Variants in CIAO3 observed in about 807,000 individuals in gnomAD.
The protein encoded by CIAO3 is cytosolic iron-sulfur assembly component 3.
CIAO3 carries 45 observed loss-of-function variants against 51.5 expected under a neutral mutation model. The ratio of observed to expected loss-of-function variants is 0.87; its 90% CI spans 0.69 to 1.12. The LOEUF is 1.12. Ranked by LOEUF, CIAO3 falls within the 50% of genes most tolerant of loss-of-function variation. The probability of loss-of-function intolerance (pLI) is 0.00; values close to 1 mark genes in which losing one functional copy is unlikely to be tolerated. For missense variants in CIAO3, 668 were observed against 632.5 expected (o/e 1.06, Z -0.60); for synonymous variants, 314 against 269.3 (o/e 1.17, Z -1.63).
At position 730,485 on chromosome 16, in the gene CIAO3, C is replaced by A; in HGVS notation, c.1363G>T (p.Gly455Cys). Residue 455 changes from glycine to cysteine, a missense_variant, in exon 11 of 11, where the codon GGT becomes TGT. By Grantham distance (159) the Gly-to-Cys change is radical. Coordinates refer to ENST00000251588, the MANE Select transcript of CIAO3 (RefSeq NM_022493.3). ...TGGTACTGCGTATGCAGCAAGCGAC[C>A]TGCACACTCCGAGTCCGTGCCCTGC... The part of the protein sequence containing the change: ...WLQGTDSECA[G>C]RLLHTQYHAV... 6.2e-7 allele frequency: 1 copy of A among 1,609,256 alleles called. No individual in the cohort carries two copies. Among genetic ancestry groups the A allele is most frequent in the Non-Finnish European group, 8.5e-7 (1 of 1,179,974 alleles).
intron 3 of CIAO3, chr16:736,980 G>A: frequency 1.6e-6 from 1 of 632,268 alleles, no homozygotes; most frequent in Non-Finnish European, 2.7e-6. Flanking sequence ...TCATTTTGAT[G>A]TATATTTAGA....
At position 730,162 on chromosome 16, in the gene CIAO3, A is replaced by G. The variant is rs576154899; in HGVS notation, c.*255T>C. On this transcript the variant is annotated 3_prime_UTR_variant, in exon 11 of 11. Coordinates refer to ENST00000251588, the MANE Select transcript of CIAO3 (RefSeq NM_022493.3). ...GGCCTCGGCCCAGGGCCAACGGAAC[A>G]GGCTCTGGGACCTCAGGGAACCTTC... The G allele has an allele frequency of 4.7e-5, 27 of 570,104 alleles. No individual in the cohort carries two copies. Among genetic ancestry groups the G allele is most frequent in the Non-Finnish European group, 6.6e-5 (21 of 319,030 alleles). The allele number at this position is 570,104 out of a possible 1,614,324, so 35.3% of individuals were successfully genotyped here.
chr16:740,480 C>G, intron 1 of CIAO3: 1 of 294,894 alleles, frequency 3.4e-6, no homozygotes. Flanking sequence ...GCTTGGGGGT[C>G]CTGAGGCCTG....
At chr16:731,162 G>T in intron 9 of CIAO3, 162 bp from the exon 10 acceptor site, 1 of 933,946 alleles carries the variant, frequency 1.1e-6, no homozygotes, top group South Asian at 1.7e-5. Flanking sequence ...AGAGAGGGTG[G>T]AAGGCTCACT....
At position 734,300 on chromosome 16, in the gene CIAO3, G is replaced by C. The variant is rs147919065; in HGVS notation, c.622C>G (p.His208Asp). 32 of 1,611,798 alleles carry C rather than the reference G, an allele frequency of 2.0e-5. No individual in the cohort carries two copies. The highest frequency in any genetic ancestry group is 5.3e-5 in the African/African-American group (4 of 74,922). Residue 208 changes from histidine to aspartate, a missense_variant, in exon 6 of 11, where the codon CAC (histidine) becomes GAC (aspartate). By Grantham distance (81) the His-to-Asp change is moderately conservative. Coordinates refer to ENST00000251588, the MANE Select transcript of CIAO3 (RefSeq NM_022493.3). ...EKTHGSFILP[H>D]ISTARSPQQV... ...TGCGGGGACCGGGCGGTGCTGATGT[G>C]GGGGAGGATGAAGCTGCCGTGAGTC...
intron 2 of CIAO3, among the ~76,000 whole-genome samples, chr16:738,924 G>C (rs1480060983): frequency 2.7e-4 from 39 of 146,732 alleles, no homozygotes; most frequent in African/African-American, 3.8e-4. Flanking sequence ...GATTACAAGC[G>C]TGAGCCACCG....
chr16:740,895 A>G (rs1343089165), intron 1 of CIAO3, 25 bp downstream of exon 1: 6 of 1,525,362 alleles, frequency 3.9e-6, no homozygotes, highest in East Asian at 5.1e-5. Context: ...CGCAGCCTCG[A>G]CCCCGCCCGC....
At position 737,278 on chromosome 16, in the gene CIAO3, G is replaced by A; in HGVS notation, c.214C>T (p.Leu72=). ...GAGGTGATGCAGCCGCTGCACGCCA[G>A]GCAGTCGTTTAGCGAGACCTTGGCC... ...EKAKVSLNDC[L]ACSGCITSAE... The change falls in exon 3 of 11, where the codon CTG becomes TTG. Residue 72 remains leucine, a synonymous_variant. Transcript: ENST00000251588. This position sits in a 1 kb window ranked among gnomAD's most constrained non-coding sequence, Gnocchi z 5.3. 1 of 1,613,484 alleles carries A rather than the reference G, an allele frequency of 6.2e-7. No individual in the cohort carries two copies. The highest frequency in any genetic ancestry group is 1.7e-5 in the Admixed American group (1 of 60,028).
In CIAO3 at chr16:730,850, G is replaced by A. The variant is rs35146947; in HGVS notation, c.1185C>T (p.Cys395=). The change falls in exon 10 of 11, where the codon TGC becomes TGT. Residue 395 remains cysteine, a synonymous_variant. Coordinates refer to ENST00000251588, the MANE Select transcript of CIAO3 (RefSeq NM_022493.3). Reference sequence around the variant, plus strand: ...GTCCCTTGCAGGAGCTACCTGAGGGGCAGGCCATGACCTCCACGTAGTGGT... The same window carrying A: ...GTCCCTTGCAGGAGCTACCTGAGGGACAGGCCATGACCTCCACGTAGTGGT... ...CPYHYVEVMA[C]PSGCLNGGGQ... The A allele has an allele frequency of 1.6e-4, 262 of 1,612,482 alleles. 1 individual carries two copies. Among genetic ancestry groups the A allele is most frequent in the Non-Finnish European group, 8.6e-5 (101 of 1,179,958 alleles).
chr16:739,752 A>C lies in CIAO3; in HGVS notation c.67-14T>G, dbSNP rs755525630. On this transcript the variant is annotated splice_polypyrimidine_tract_variant and intron_variant, in intron 1 of 10. Coordinates refer to ENST00000251588, the MANE Select transcript of CIAO3 (RefSeq NM_022493.3). ...CTTGATGCACTCCTAGAGCAGGAAGAGACCCCAAATCAGCCCCTGTGAGTG... is the reference window on the plus strand; with the variant it reads ...CTTGATGCACTCCTAGAGCAGGAAGCGACCCCAAATCAGCCCCTGTGAGTG... 3.1e-6 allele frequency: 5 copies of C among 1,612,628 alleles called. No homozygotes were observed. The South Asian group carries it at 5.5e-5, about 18-fold the overall frequency.
rs550160991 is a variant in CIAO3, at chr16:734,619, G to A, written c.574+118C>T. 5.5e-5 allele frequency: 86 copies of A among 1,566,718 alleles called. No homozygotes were observed. The Middle Eastern group carries it at 1.2e-3, about 21-fold the overall frequency. Reference sequence around the variant, plus strand: ...TGTGCCAACATTTCCAACCCGTCCCGCAAAACCTGCTTGCGTCTCCACCCC... The same window carrying A: ...TGTGCCAACATTTCCAACCCGTCCCACAAAACCTGCTTGCGTCTCCACCCC... On this transcript the variant is annotated intron_variant, in intron 5 of 10. Coordinates refer to ENST00000251588, the MANE Select transcript of CIAO3 (RefSeq NM_022493.3).
Position 737,621 on chromosome 16 carries a change from TG to T in CIAO3, c.163-293del. On this transcript the variant is annotated intron_variant, in intron 2 of 10. Transcript: ENST00000251588. This position sits in a 1 kb window ranked among gnomAD's most constrained non-coding sequence, Gnocchi z 5.3. Reference sequence around the variant, plus strand: ...AAGCAGCAGCCACCCCACTCACCCATGGGGCCCTGGACGGGGTGCTGGCCCC... The same window carrying T: ...AAGCAGCAGCCACCCCACTCACCCATGGGCCCTGGACGGGGTGCTGGCCCC... 1 of 1,384,912 alleles carries T rather than the reference TG, an allele frequency of 7.2e-7. No homozygotes were observed. The highest frequency in any genetic ancestry group is 1.4e-5 in the African/African-American group (1 of 69,356). 85.8% of individuals were successfully genotyped at this position (1,384,912 alleles called of 1,614,324 possible).
chr16:730,574 C>G lies in CIAO3; in HGVS notation c.1274G>C (p.Gly425Ala), dbSNP rs763225091. ...CTCGGGCGCCTCAGCCCGGACCATG[C>G]CGTACAGTCTCTCCACGTGCTGGAG... ...ELLQHVERLYGMVRAEAPEDA... is the reference protein window; with the variant it reads ...ELLQHVERLYAMVRAEAPEDA... Residue 425 changes from glycine to alanine, a missense_variant, in exon 11 of 11, where the codon GGC (glycine) becomes GCC (alanine). Physicochemically the swap from Gly to Ala is moderately conservative, Grantham distance 60 (BLOSUM62 0). Transcript: ENST00000251588. The G allele has an allele frequency of 1.2e-6, 2 of 1,610,948 alleles. No homozygotes were observed. Among genetic ancestry groups the G allele is most frequent in the Non-Finnish European group, 1.7e-6 (2 of 1,179,984 alleles).
intron 1 of CIAO3, 54 bp from the exon 2 acceptor site, chr16:739,792 G>C (rs1377396749): frequency 6.4e-7 from 1 of 1,560,346 alleles, no homozygotes; most frequent in Non-Finnish European, 8.8e-7. Flanking sequence ...GAGGTTCCCT[G>C]GGAGGCCAGG....
At chr16:739,604 C>G (rs370158203) in intron 2 of CIAO3, 39 bp downstream of exon 2, 5 of 1,586,098 alleles carry the variant, frequency 3.2e-6, no homozygotes, top group Non-Finnish European at 4.3e-6. Flanking sequence ...TCGGATCAGC[C>G]GGGCAGGAGA....
chr16:732,392 G>C lies in CIAO3; in HGVS notation c.824-19C>G. On this transcript the variant is annotated intron_variant, in intron 7 of 10. Coordinates refer to ENST00000251588, the MANE Select transcript of CIAO3 (RefSeq NM_022493.3). ...ACTTCTCCTGCAAAGAAGCCACAGC[G>C]CAGACACTCTTTAGCGGAGATCCCA... 3 of 1,612,292 alleles carry C rather than the reference G, an allele frequency of 1.9e-6. No individual in the cohort carries two copies. The highest frequency in any genetic ancestry group is 2.5e-6 in the Non-Finnish European group (3 of 1,179,570).
At chr16:731,136 A>AG in intron 9 of CIAO3, 136 bp from the exon 10 acceptor site, 1 of 1,156,912 alleles carries the variant, frequency 8.6e-7, no homozygotes, top group Non-Finnish European at 1.2e-6. Flanking sequence ...GGGCAGAGGG[A>AG]AGGACAAGAA....
chr16:730,455 C>T lies in CIAO3; in HGVS notation c.1393G>A (p.Val465Met), dbSNP rs149403346. 8.0e-5 allele frequency: 128 copies of T among 1,606,080 alleles called. No homozygotes were observed. The highest frequency in any genetic ancestry group is 3.6e-4 in the East Asian group (16 of 44,890). ...CCCAGGCCAGTGCTGGCCTTCTCCA[C>T]GGCGTGGTACTGCGTATGCAGCAAG... is the stretch of plus-strand genomic sequence containing the variant. Reference protein sequence around the residue: ...GRLLHTQYHAVEKASTGLGIR... With the variant: ...GRLLHTQYHAMEKASTGLGIR... Residue 465 changes from valine (V) to methionine (M), a missense_variant, in exon 11 of 11, where the codon GTG (valine) becomes ATG (methionine). Val to Met is a conservative substitution (Grantham distance 21, BLOSUM62 1). Transcript: ENST00000251588.
chr16:734,657 C>G (rs767288001), intron 5 of CIAO3, 80 bp downstream of exon 5: 1 of 1,610,418 alleles, frequency 6.2e-7, no homozygotes. Flanking sequence ...ATGCCCCCGC[C>G]TTGTCATTTG....
Sources: allele counts gnomAD v4.1 joint callset (sites outside exome capture counted in the v4.1 genomes callset), GRCh38; gene constraint gnomAD v4.1.1; non-coding constraint Gnocchi (gnomAD v3.1); transcripts MANE v1.5; gene names NCBI Gene and HGNC (gene_info 2026-07-23, HGNC 2026-07-21).